The following LYRM4 variants were observed in gnomAD, a reference collection of about 807,000 sequenced individuals.
LYRM4 encodes LYR motif-containing protein 4.
A neutral mutation model predicts 11.7 loss-of-function variants in LYRM4; 9 were observed. The ratio of observed to expected loss-of-function variants is 0.77; its 90% CI spans 0.46 to 1.34. LYRM4 has a LOEUF of 1.34. LYRM4 is among the 40% of genes most tolerant of loss of function. LYRM4 has a pLI of 0.00. For missense variants in LYRM4, 133 were observed against 112.5 expected (o/e 1.18, Z -0.82); for synonymous variants, 42 against 40.4 (o/e 1.04, Z -0.15).
At chr6:5,237,433 C>T (rs369254113) in intron 1 of LYRM4, among the ~76,000 whole-genome samples, 3 of 151,878 alleles carry the variant, frequency 2.0e-5, no homozygotes, top group Middle Eastern at 3.4e-3. Context: ...TCAGCGCTCC[C>T]ACTGATTCTA....
chr6:5,036,344 G>A, the LYRM4 span, among the ~76,000 whole-genome samples: 30 of 152,262 alleles, frequency 2.0e-4, no homozygotes, highest in African/African-American at 6.3e-4. Context: ...CTAGGAGATA[G>A]GAGGGAAAAA....
At chr6:5,035,223 C>G in the LYRM4 span, among the ~76,000 whole-genome samples, 2 of 152,036 alleles carry the variant, frequency 1.3e-5, no homozygotes, top group South Asian at 4.1e-4. Context: ...CAAGAATTGG[C>G]TGTGCTTCCC....
At chr6:5,166,418 T>C (rs1759091336) in intron 2 of LYRM4, among the ~76,000 whole-genome samples, 2 of 152,244 alleles carry the variant, frequency 1.3e-5, no homozygotes, top group East Asian at 1.9e-4. Flanking sequence ...TTAAGCTGAA[T>C]AGATCATGCA....
chr6:5,251,076 T>A (rs993657077), intron 1 of LYRM4, among the ~76,000 whole-genome samples: 1 of 152,234 alleles, frequency 6.6e-6, no homozygotes, highest in Non-Finnish European at 1.5e-5. Flanking sequence ...CGTCCTTATA[T>A]GTACATTGCA....
At chr6:5,194,930 C>G (rs975639283) in intron 2 of LYRM4, among the ~76,000 whole-genome samples, 1 of 152,184 alleles carries the variant, frequency 6.6e-6, no homozygotes, top group Non-Finnish European at 1.5e-5. Context: ...TCTGGCTTTA[C>G]AGAATTCAGG....
At chr6:5,068,300 G>T in the LYRM4 span, among the ~76,000 whole-genome samples, 1 of 152,174 alleles carries the variant, frequency 6.6e-6, no homozygotes, top group African/African-American at 2.4e-5. The surrounding 1 kb of genome is among the most constrained non-coding windows in gnomAD (Gnocchi z 4.0). Flanking sequence ...ATGGTGAAAG[G>T]TCCTGCAGCA....
intron 2 of LYRM4, among the ~76,000 whole-genome samples, chr6:5,168,278 T>C (rs535821284): frequency 6.6e-6 from 1 of 152,254 alleles, no homozygotes; most frequent in East Asian, 1.9e-4. Context: ...TGGGCAAAAC[T>C]GCTGCAGAAC....
At chr6:5,056,994 A>C in the LYRM4 span, among the ~76,000 whole-genome samples, 5 of 152,220 alleles carry the variant, frequency 3.3e-5, no homozygotes, top group Non-Finnish European at 5.9e-5. Flanking sequence ...AATGTTGAAA[A>C]GACATGTACT....
intron 1 of LYRM4, among the ~76,000 whole-genome samples, chr6:5,252,335 T>C (rs1276627679): frequency 6.6e-6 from 1 of 152,170 alleles, no homozygotes; most frequent in Non-Finnish European, 1.5e-5. Flanking sequence ...GTGAGACCAA[T>C]CAAGTTGCTT....
the LYRM4 span, among the ~76,000 whole-genome samples, chr6:5,057,515 G>A: frequency 2.0e-5 from 3 of 152,136 alleles, no homozygotes; most frequent in Non-Finnish European, 2.9e-5. Flanking sequence ...TCAGGAGTTC[G>A]AGACCAGCCT....
At chr6:5,133,455 G>A (rs1764048539) in intron 2 of LYRM4, among the ~76,000 whole-genome samples, 1 of 152,152 alleles carries the variant, frequency 6.6e-6, no homozygotes, top group Admixed American at 6.5e-5. Flanking sequence ...ACACGATCCT[G>A]ACCCGTCCAG....
At chr6:5,159,830 A>G (rs1758644826) in intron 2 of LYRM4, among the ~76,000 whole-genome samples, 1 of 152,202 alleles carries the variant, frequency 6.6e-6, no homozygotes, top group Non-Finnish European at 1.5e-5. Context: ...GCTTCTATCA[A>G]ACACAGCTCT....
At chr6:5,040,109 G>A in the LYRM4 span, among the ~76,000 whole-genome samples, 1 of 152,154 alleles carries the variant, frequency 6.6e-6, no homozygotes, top group African/African-American at 2.4e-5. Context: ...CAGAAGGAAT[G>A]TAGCTTTAAA....
intron 1 of LYRM4, among the ~76,000 whole-genome samples, chr6:5,229,192 C>T (rs753247615): frequency 6.6e-6 from 1 of 151,804 alleles, no homozygotes; most frequent in Non-Finnish European, 1.5e-5. Context: ...GGTTACACAT[C>T]AGAAAAAACA....
intron 2 of LYRM4, among the ~76,000 whole-genome samples, chr6:5,153,186 G>A (rs1027143243): frequency 6.6e-6 from 1 of 152,044 alleles, no homozygotes; most frequent in African/African-American, 2.4e-5. Context: ...TCGCCTCCTG[G>A]GTTCCAGCAA....
downstream of LYRM4, among the ~76,000 whole-genome samples, chr6:5,102,112 ATGTT>A (rs564168457): frequency 2.8e-4 from 42 of 150,722 alleles, no homozygotes; most frequent in African/African-American, 1.0e-3. Flanking sequence ...TTTTAAAGAC[ATGTT>A]TTATATTTTC....
At chr6:5,226,626 C>T (rs1382302928) in intron 1 of LYRM4, among the ~76,000 whole-genome samples, 10 of 152,196 alleles carry the variant, frequency 6.6e-5, no homozygotes, top group Admixed American at 5.9e-4. Flanking sequence ...ATCCGCCCGC[C>T]TCAGCCTCCC....
chr6:5,035,793 C>G, the LYRM4 span, among the ~76,000 whole-genome samples: 1 of 32,534 alleles, frequency 3.1e-5, no homozygotes, highest in South Asian at 9.9e-4. Flanking sequence ...TTCCCCCCCC[C>G]ACATATGTAT....
chr6:5,243,943 G>A (rs1383038099), intron 1 of LYRM4, among the ~76,000 whole-genome samples: 1 of 152,128 alleles, frequency 6.6e-6, no homozygotes, highest in Non-Finnish European at 1.5e-5. Flanking sequence ...CAATATCTGG[G>A]GTAACTTTTC....
Sources: allele counts gnomAD v4.1 joint callset (sites outside exome capture counted in the v4.1 genomes callset), GRCh38; gene constraint gnomAD v4.1.1; non-coding constraint Gnocchi (gnomAD v3.1); transcripts MANE v1.5; gene names NCBI Gene and HGNC (gene_info 2026-07-23, HGNC 2026-07-21).